Variants in TMEM62 observed in about 807,000 individuals in gnomAD.
The protein encoded by TMEM62 is transmembrane protein 62.
A neutral mutation model predicts 70.4 loss-of-function variants in TMEM62; 41 were observed. That is an observed-to-expected ratio of 0.58 (90% CI 0.45 to 0.76). TMEM62 has a LOEUF of 0.76. Ranked by LOEUF, TMEM62 falls within the 30% of genes least tolerant of loss-of-function variation. The pLI is 0.00. For synonymous variants in TMEM62, 268 were observed against 291.0 expected (o/e 0.92, Z 0.80); for missense variants, 688 against 788.5 (o/e 0.87, Z 1.53).
chr15:43,164,488 G>A (rs1567217924), intron 10 of TMEM62, among the ~76,000 whole-genome samples: 1 of 149,132 alleles, frequency 6.7e-6, no homozygotes, highest in Admixed American at 6.7e-5. Context: ...CTCCCAAGTA[G>A]CTGAGACTAC....
At chr15:43,135,170 A>G (rs1174190829) in intron 2 of TMEM62, among the ~76,000 whole-genome samples, 3 of 152,248 alleles carry the variant, frequency 2.0e-5, no homozygotes, top group African/African-American at 7.2e-5. Context: ...GATATTAGGC[A>G]GCCACTCAGA....
At chr15:43,168,161 GGGAGAGGGAGACGGAGAC>G (rs2039771584) in intron 10 of TMEM62, among the ~76,000 whole-genome samples, 2 of 93,694 alleles carry the variant, frequency 2.1e-5, no homozygotes, top group African/African-American at 4.7e-5. Flanking sequence ...GAGAGGGAGA[GGGAGAGGGAGACGGAGAC>G]GGAGAGGGAG....
At chr15:43,165,305 A>T (rs2039265104) in intron 10 of TMEM62, among the ~76,000 whole-genome samples, 1 of 150,762 alleles carries the variant, frequency 6.6e-6, no homozygotes. Flanking sequence ...CTTTAAGCTC[A>T]CTAATTCTTT....
intron 10 of TMEM62, among the ~76,000 whole-genome samples, chr15:43,162,781 C>T (rs1476131653): frequency 6.6e-6 from 1 of 151,970 alleles, no homozygotes; most frequent in Admixed American, 6.6e-5. Context: ...TAAGTTGTTT[C>T]TAATTTGCCC....
intron 4 of TMEM62, 131 bp downstream of exon 4, chr15:43,138,750 G>T (rs908355889): frequency 5.2e-6 from 4 of 767,366 alleles, no homozygotes; most frequent in African/African-American, 1.7e-5. Context: ...TTTTGCCCAG[G>T]CTAGCTCTGA....
At chr15:43,166,746 T>TG (rs1395543158) in intron 10 of TMEM62, among the ~76,000 whole-genome samples, 1 of 151,870 alleles carries the variant, frequency 6.6e-6, no homozygotes, top group Non-Finnish European at 1.5e-5. Context: ...GATTAGGGAG[T>TG]GGTGATGCCT....
rs759281387 is a variant in TMEM62 at position 43,154,820 on chromosome 15, G to C, written c.1171G>C (p.Val391Leu). 4.4e-6 allele frequency: 7 copies of C among 1,604,882 alleles called. No homozygotes were observed. Among genetic ancestry groups the C allele is most frequent in the Middle Eastern group, 1.7e-4 (1 of 6,000 alleles). The change falls in exon 9 of 14, where the codon GTA becomes CTA. Residue 391 changes from valine to leucine, a missense_variant. By Grantham distance (32) the Val-to-Leu change is conservative (BLOSUM62 1). Transcript: ENST00000260403. ...NYSSGTHNIEVIVQDSAGRSK... is the reference protein window; with the variant it reads ...NYSSGTHNIELIVQDSAGRSK... ...CAGTAGTGGGACACATAACATAGAA[G>C]TAATCGTCCAGGTAAGTTAGTAATT... is the stretch of plus-strand genomic sequence containing the variant.
rs1274504296 is a variant in TMEM62 at position 43,184,434 on chromosome 15, TATGCAAC to T, written c.1783_1789del (p.Ala595ThrfsTer4). The T allele has an allele frequency of 6.2e-7, 1 of 1,614,152 alleles. No individual in the cohort carries two copies. The highest frequency in any genetic ancestry group is 8.5e-7 in the Non-Finnish European group (1 of 1,180,062). On this transcript the variant is annotated frameshift_variant, in exon 14 of 14. Coordinates refer to ENST00000260403, the MANE Select transcript of TMEM62 (RefSeq NM_024956.4). LOFTEE classifies it high-confidence loss of function. ...GCAGGTTTATTCCTGCTACTTTCTT[TATGCAAC>T]ATACGGCACCCTAGCTTTTTTATTC...
At chr15:43,168,673 A>G (rs2039864182) in intron 10 of TMEM62, among the ~76,000 whole-genome samples, 2 of 152,114 alleles carry the variant, frequency 1.3e-5, no homozygotes, top group South Asian at 2.1e-4. Flanking sequence ...CACTGCCTGG[A>G]GAGTTGGGGG....
At chr15:43,147,484 G>T (rs2036820089) in intron 5 of TMEM62, among the ~76,000 whole-genome samples, 1 of 152,134 alleles carries the variant, frequency 6.6e-6, no homozygotes, top group South Asian at 2.1e-4. Context: ...ATACAAAAGT[G>T]ATAAGATCAA....
In TMEM62 at chr15:43,184,841, A is replaced by G. The variant is rs559981751; in HGVS notation, c.*255A>G. 1.9e-6 allele frequency: 1 copy of G among 533,122 alleles called. No homozygotes were observed. Among genetic ancestry groups the G allele is most frequent in the East Asian group, 3.1e-5 (1 of 32,132 alleles). The allele number at this position is 533,122 out of a possible 1,614,324, so 33.0% of individuals were successfully genotyped here. A position where few individuals can be genotyped will look rare whatever the true frequency, so the allele number is the denominator to read the frequency against. On this transcript the variant is annotated 3_prime_UTR_variant, in exon 14 of 14. Coordinates refer to ENST00000260403, the MANE Select transcript of TMEM62 (RefSeq NM_024956.4). ...GCAAAGAGTTGATTTACCTTTGTGAAGAGAAAACCCTTATCTAGGACATCC... is the reference window on the plus strand; with the variant it reads ...GCAAAGAGTTGATTTACCTTTGTGAGGAGAAAACCCTTATCTAGGACATCC...
chr15:43,133,913 C>G lies in TMEM62; in HGVS notation c.111C>G (p.Arg37=). The change falls in exon 1 of 14, where the codon CGC becomes CGG. Residue 37 remains arginine, a synonymous_variant. Coordinates refer to ENST00000260403, the MANE Select transcript of TMEM62 (RefSeq NM_024956.4). The part of the protein sequence containing the change: ...GLAGQPSPLP[R]PAPPRRPHPA... The stretch of plus-strand genomic sequence containing the variant: ...CGGGCCAGCCCTCGCCGCTGCCGCG[C>G]CCCGCGCCCCCCAGGAGGCCGCACC... The G allele has an allele frequency of 6.7e-7, 1 of 1,495,044 alleles. No individual in the cohort carries two copies. Among genetic ancestry groups the G allele is most frequent in the Non-Finnish European group, 8.9e-7 (1 of 1,129,606 alleles). The allele number at this position is 1,495,044 out of a possible 1,614,324, so 92.6% of individuals were successfully genotyped here.
intron 3 of TMEM62, among the ~76,000 whole-genome samples, chr15:43,136,936 G>T (rs980773990): frequency 3.3e-5 from 5 of 151,798 alleles, no homozygotes; most frequent in Non-Finnish European, 2.9e-5. Flanking sequence ...TTTTTTTTGT[G>T]GAGTTGGGTT....
chr15:43,138,887 T>TA (rs1490383771), intron 4 of TMEM62, among the ~76,000 whole-genome samples: 1 of 152,252 alleles, frequency 6.6e-6, no homozygotes, highest in Non-Finnish European at 1.5e-5. Flanking sequence ...TCTAGTAATT[T>TA]AAAAAATGAG....
At chr15:43,146,388 G>C in intron 4 of TMEM62, 105 bp from the exon 5 acceptor site, 1 of 1,078,632 alleles carries the variant, frequency 9.3e-7, no homozygotes, top group Non-Finnish European at 1.3e-6. Flanking sequence ...TGTCAGATCA[G>C]CAAATCTCGT....
intron 4 of TMEM62, among the ~76,000 whole-genome samples, chr15:43,141,693 G>A (rs2036037648): frequency 6.6e-6 from 1 of 152,166 alleles, no homozygotes; most frequent in Non-Finnish European, 1.5e-5. Flanking sequence ...ATGGATGTGG[G>A]CAGTCAATTG....
chr15:43,133,679 C>A lies in TMEM62; in HGVS notation c.-124C>A, dbSNP rs1021576421. 17 of 683,076 alleles carry A rather than the reference C, an allele frequency of 2.5e-5. No homozygotes were observed. The South Asian group carries it at 9.4e-4, about 38-fold the overall frequency. The allele number at this position is 683,076 out of a possible 1,614,324, so 42.3% of individuals were successfully genotyped here. On this transcript the variant is annotated 5_prime_UTR_variant, in exon 1 of 14. Coordinates refer to ENST00000260403, the MANE Select transcript of TMEM62 (RefSeq NM_024956.4). ...CTGGCTCCAGCCCCGCATCCGGCGC[C>A]GGCCCCGCATCCAGCTCTGGCCCTG...
rs755279331 is a variant in TMEM62, at chr15:43,184,293, A to C, written c.1639A>C (p.Met547Leu). 8 of 1,613,994 alleles carry C rather than the reference A, an allele frequency of 5.0e-6. No individual in the cohort carries two copies. Among genetic ancestry groups the C allele is most frequent in the Non-Finnish European group, 6.8e-6 (8 of 1,179,988 alleles). The change falls in exon 14 of 14, where the codon ATG (methionine) becomes CTG (leucine). Residue 547 changes from methionine to leucine, a missense_variant. Transcript: ENST00000260403. ...TTTTAACATCCCCTTGATGGCTTAC[A>C]TGTGTTGGAGCTTGCTGCAGCGGTG... ...AFFNIPLMAY[M>L]CWSLLQRCFG...
intron 7 of TMEM62, 42 bp from the exon 8 acceptor site, chr15:43,151,748 A>G (rs760629031): frequency 5.0e-6 from 8 of 1,591,272 alleles, no homozygotes; most frequent in South Asian, 1.1e-5. Flanking sequence ...ACCTCTTACA[A>G]TGTGAAGTGA....
Sources: allele counts gnomAD v4.1 joint callset (sites outside exome capture counted in the v4.1 genomes callset), GRCh38; gene constraint gnomAD v4.1.1; transcripts MANE v1.5; gene names NCBI Gene and HGNC (gene_info 2026-07-23, HGNC 2026-07-21).